SLC24A2: variants seen among roughly 807,000 people sequenced by gnomAD.
SLC24A2 encodes the protein sodium/potassium/calcium exchanger 2.
SLC24A2 carries 36 observed loss-of-function variants against 62.0 expected under a neutral mutation model. That is an observed-to-expected ratio of 0.58 (90% CI 0.44 to 0.77). The LOEUF (loss-of-function observed/expected upper bound fraction) is 0.77. SLC24A2 is among the 30% of genes least tolerant of loss of function. The probability of loss-of-function intolerance (pLI) is 0.00; values close to 1 mark genes in which losing one functional copy is unlikely to be tolerated. For missense variants in SLC24A2, 846 were observed against 817.9 expected (o/e 1.03, Z -0.42); for synonymous variants, 358 against 294.0 (o/e 1.22, Z -2.23).
At chr9:19,911,023 T>C in the SLC24A2 span, among the ~76,000 whole-genome samples, 7 of 151,114 alleles carry the variant, frequency 4.6e-5, no homozygotes, top group Admixed American at 2.0e-4. Context: ...CCCATTAACT[T>C]GTCATTTAGC....
At chr9:19,785,003 G>A (rs1021366194) in intron 2 of SLC24A2, among the ~76,000 whole-genome samples, 7 of 152,134 alleles carry the variant, frequency 4.6e-5, no homozygotes, top group African/African-American at 1.4e-4. Context: ...TTTCCCAGAT[G>A]CTGGCATGAA....
At chr9:19,688,196 C>T (rs1393898187) in intron 2 of SLC24A2, among the ~76,000 whole-genome samples, 1 of 152,050 alleles carries the variant, frequency 6.6e-6, no homozygotes, top group Admixed American at 6.6e-5. Flanking sequence ...GTTACTAATA[C>T]CCTGCGAAAA....
the SLC24A2 span, among the ~76,000 whole-genome samples, chr9:20,060,581 C>G: frequency 6.6e-6 from 1 of 151,972 alleles, no homozygotes; most frequent in Non-Finnish European, 1.5e-5. Flanking sequence ...AAAAAACATT[C>G]AACAAAACCC....
the SLC24A2 span, among the ~76,000 whole-genome samples, chr9:19,869,949 A>G: frequency 6.6e-6 from 1 of 152,196 alleles, no homozygotes; most frequent in Non-Finnish European, 1.5e-5. Flanking sequence ...CTAGCAAGGA[A>G]CTTGCTTAGT....
At chr9:19,937,884 G>A in the SLC24A2 span, among the ~76,000 whole-genome samples, 2 of 152,038 alleles carry the variant, frequency 1.3e-5, no homozygotes, top group African/African-American at 4.8e-5. Flanking sequence ...AGATAATATT[G>A]CACAGAAAGT....
chr9:19,664,567 T>C (rs773439998), intron 2 of SLC24A2, among the ~76,000 whole-genome samples: 1 of 152,224 alleles, frequency 6.6e-6, no homozygotes, highest in Non-Finnish European at 1.5e-5. Flanking sequence ...AAAAGATATG[T>C]TGAAGTCCTA....
the SLC24A2 span, among the ~76,000 whole-genome samples, chr9:20,294,444 TG>T: frequency 6.6e-6 from 1 of 152,224 alleles, no homozygotes; most frequent in Non-Finnish European, 1.5e-5. Context: ...CTAACCAGCC[TG>T]GGCAGAGCTG....
At chr9:19,719,473 C>G (rs1820960250) in intron 2 of SLC24A2, among the ~76,000 whole-genome samples, 1 of 150,676 alleles carries the variant, frequency 6.6e-6, no homozygotes, top group Non-Finnish European at 1.5e-5. Flanking sequence ...GCTTCCTAGA[C>G]TTTTGTTGTA....
intron 2 of SLC24A2, among the ~76,000 whole-genome samples, chr9:19,761,407 C>T (rs1394385995): frequency 2.0e-5 from 3 of 151,992 alleles, no homozygotes; most frequent in African/African-American, 7.2e-5. Context: ...TCTGTAATGA[C>T]CAGTGATGAT....
At chr9:19,812,494 T>C in the SLC24A2 span, among the ~76,000 whole-genome samples, 3 of 152,340 alleles carry the variant, frequency 2.0e-5, no homozygotes, top group African/African-American at 7.2e-5. Context: ...TTATGTTTTT[T>C]AGTCCTAGAA....
At chr9:19,525,486 C>T (rs1350959321) in intron 9 of SLC24A2, among the ~76,000 whole-genome samples, 1 of 147,140 alleles carries the variant, frequency 6.8e-6, no homozygotes, top group Admixed American at 7.0e-5. Context: ...TCATTGCAGC[C>T]TTCACCTCCT....
intron 4 of SLC24A2, among the ~76,000 whole-genome samples, chr9:19,614,244 G>T (rs866760881): frequency 3.3e-5 from 5 of 152,282 alleles, no homozygotes; most frequent in Middle Eastern, 3.4e-3. Flanking sequence ...AATAATTCTA[G>T]TTCCCCAAGG....
At chr9:19,636,315 T>TTTTTC (rs1818327256) in intron 2 of SLC24A2, among the ~76,000 whole-genome samples, 5 of 40,328 alleles carry the variant, frequency 1.2e-4, no homozygotes, top group Admixed American at 2.7e-4. Flanking sequence ...TTTTCTTTTC[T>TTTTTC]TTTCTTTCTT....
the SLC24A2 span, among the ~76,000 whole-genome samples, chr9:19,830,420 A>G: frequency 1.3e-5 from 2 of 152,212 alleles, no homozygotes; most frequent in African/African-American, 2.4e-5. Context: ...GATTCTCACC[A>G]TACCACTGTG....
At chr9:19,516,979 G>C (rs1192686139) in intron 10 of SLC24A2, among the ~76,000 whole-genome samples, 1 of 152,074 alleles carries the variant, frequency 6.6e-6, no homozygotes, top group Non-Finnish European at 1.5e-5. Flanking sequence ...ATGAAAAATT[G>C]GTCTTTCTGA....
intron 2 of SLC24A2, among the ~76,000 whole-genome samples, chr9:19,639,904 T>C (rs1818450164): frequency 6.6e-6 from 1 of 152,238 alleles, no homozygotes; most frequent in Non-Finnish European, 1.5e-5. Flanking sequence ...AAACAGTTTT[T>C]TGTTAACTTG....
the SLC24A2 span, among the ~76,000 whole-genome samples, chr9:20,125,012 C>G: frequency 6.6e-6 from 1 of 152,142 alleles, no homozygotes; most frequent in African/African-American, 2.4e-5. Flanking sequence ...CACTAACAGG[C>G]AACTACCTTA....
the SLC24A2 span, among the ~76,000 whole-genome samples, chr9:19,983,449 A>G: frequency 6.6e-6 from 1 of 152,026 alleles, no homozygotes; most frequent in Non-Finnish European, 1.5e-5. Context: ...TCGAGACCAT[A>G]CTGGCCAACA....
At chr9:20,248,020 G>C in the SLC24A2 span, among the ~76,000 whole-genome samples, 1 of 152,206 alleles carries the variant, frequency 6.6e-6, no homozygotes, top group Non-Finnish European at 1.5e-5. Flanking sequence ...GTCCACACAC[G>C]TGTAAAGCAA....
Sources: allele counts gnomAD v4.1 joint callset (sites outside exome capture counted in the v4.1 genomes callset), GRCh38; gene constraint gnomAD v4.1.1; transcripts MANE v1.5; gene names NCBI Gene and HGNC (gene_info 2026-07-23, HGNC 2026-07-21).